Variants in FOXN3 observed in about 807,000 individuals in gnomAD.
The protein encoded by FOXN3 is forkhead box protein N3.
FOXN3 carries 7 observed loss-of-function variants against 38.4 expected under a neutral mutation model. That is an observed-to-expected ratio of 0.18 (90% CI 0.10 to 0.34). FOXN3 has a LOEUF of 0.34. FOXN3 is among the 10% of genes least tolerant of loss of function. FOXN3 has a pLI of 1.00. For missense variants in FOXN3, 456 were observed against 613.4 expected (o/e 0.74, Z 2.71); for synonymous variants, 230 against 242.2 (o/e 0.95, Z 0.47).
intron 1 of FOXN3, among the ~76,000 whole-genome samples, chr14:89,413,248 C>T (rs1297696805): frequency 1.3e-5 from 2 of 152,164 alleles, no homozygotes; most frequent in African/African-American, 2.4e-5. Context: ...TCCCACTCTC[C>T]GTAGCGCTAA....
chr14:89,371,969 C>T (rs532928359), intron 2 of FOXN3, among the ~76,000 whole-genome samples: 6 of 152,224 alleles, frequency 3.9e-5, no homozygotes, highest in Non-Finnish European at 7.4e-5. Flanking sequence ...TGGGGGAGTG[C>T]ACCCCCGGCT....
chr14:89,229,927 C>T (rs1352579908), intron 4 of FOXN3, among the ~76,000 whole-genome samples: 1 of 152,194 alleles, frequency 6.6e-6, no homozygotes, highest in Non-Finnish European at 1.5e-5. Context: ...GGCTCCATGG[C>T]CCAGAATCCA....
chr14:89,477,154 A>C (rs1277474273), intron 1 of FOXN3, among the ~76,000 whole-genome samples: 1 of 152,138 alleles, frequency 6.6e-6, no homozygotes, highest in Non-Finnish European at 1.5e-5. Flanking sequence ...CTACTTGTGC[A>C]TATCTGTGTA....
At chr14:89,602,033 G>A (rs1374726148) in intron 1 of FOXN3, among the ~76,000 whole-genome samples, 2 of 152,118 alleles carry the variant, frequency 1.3e-5, no homozygotes, top group African/African-American at 4.8e-5. Flanking sequence ...ATCCCCTTCA[G>A]GGATTTAGCT....
At chr14:89,437,064 T>C (rs1019345852) in intron 1 of FOXN3, among the ~76,000 whole-genome samples, 3 of 151,912 alleles carry the variant, frequency 2.0e-5, no homozygotes, top group Non-Finnish European at 4.4e-5. Context: ...GGAGAATCAA[T>C]TGAACATGGG....
chr14:89,352,446 A>C (rs758327799), intron 2 of FOXN3, among the ~76,000 whole-genome samples: 1 of 152,184 alleles, frequency 6.6e-6, no homozygotes, highest in Admixed American at 6.5e-5. Flanking sequence ...TTGGGGGGAA[A>C]GACAGGAGAC....
intron 4 of FOXN3, among the ~76,000 whole-genome samples, chr14:89,249,384 A>C (rs1272435295): frequency 2.0e-5 from 3 of 152,200 alleles, no homozygotes; most frequent in Non-Finnish European, 4.4e-5. Flanking sequence ...AGTAACTCTT[A>C]GAGCAGCCAC....
intron 1 of FOXN3, among the ~76,000 whole-genome samples, chr14:89,442,647 TC>T (rs147300587): frequency 0.013 from 2,000 of 152,230 alleles, 25 homozygotes; most frequent in Non-Finnish European, 0.022. Flanking sequence ...CCAACATGTC[TC>T]CCTTGTGACC....
chr14:89,304,218 C>G (rs193266674), intron 3 of FOXN3, among the ~76,000 whole-genome samples: 5 of 152,220 alleles, frequency 3.3e-5, no homozygotes, highest in African/African-American at 1.2e-4. Flanking sequence ...TAGTTCAGCT[C>G]GTAGTAAAAA....
chr14:89,617,010 G>GTTTTGTTTTTGT (rs145853696), intron 1 of FOXN3, among the ~76,000 whole-genome samples: 1 of 152,038 alleles, frequency 6.6e-6, no homozygotes, highest in African/African-American at 2.4e-5. Flanking sequence ...TGACATGCAG[G>GTTTTGTTTTTGT]TTTTGTTTTT....
At chr14:89,538,565 C>G (rs966974037) in intron 1 of FOXN3, among the ~76,000 whole-genome samples, 1 of 152,128 alleles carries the variant, frequency 6.6e-6, no homozygotes, top group East Asian at 1.9e-4. Context: ...GTTGCCCAGG[C>G]TGGAATGCAA....
At position 89,360,750 on chromosome 14, in the gene FOXN3, ACCACCACCTCCACCACTACCACCT is replaced by A. The variant is rs1566966392; in HGVS notation, c.544-9966_544-9943del. ...CACCACCACCTCCAGCACCACCTCC[ACCACCACCTCCACCACTACCACCT>A]CCACCACCACCTCCACCACCACCAC... On this transcript the variant is annotated intron_variant, in intron 2 of 5. Coordinates refer to ENST00000557258, the MANE Select transcript of FOXN3 (RefSeq NM_005197.4). Among the ~76,000 whole-genome samples the A allele has an allele frequency of 7.6e-3, 910 of 119,782 alleles. 21 individuals are homozygous for A. The highest frequency in any genetic ancestry group is 0.017 in the East Asian group (60 of 3,550). 78.6% of individuals were successfully genotyped at this position (119,782 alleles called of 152,430 possible).
At chr14:89,530,998 TAATATA>T (rs1323073042) in intron 1 of FOXN3, among the ~76,000 whole-genome samples, 2 of 147,484 alleles carry the variant, frequency 1.4e-5, no homozygotes, top group Non-Finnish European at 3.0e-5. Context: ...TACACATATA[TAATATA>T]TATACATATA....
chr14:89,330,540 G>A (rs1888218157), intron 3 of FOXN3, among the ~76,000 whole-genome samples: 1 of 152,216 alleles, frequency 6.6e-6, no homozygotes, highest in Non-Finnish European at 1.5e-5. Context: ...CAGGGAGCCT[G>A]GAGGTCTTGC....
intron 3 of FOXN3, among the ~76,000 whole-genome samples, chr14:89,338,687 G>C (rs925765285): frequency 2.0e-5 from 3 of 151,952 alleles, no homozygotes; most frequent in African/African-American, 7.2e-5. Flanking sequence ...CCAGCTACTC[G>C]GAGGCTGAGG....
At chr14:89,395,097 C>G (rs1478084896) in intron 2 of FOXN3, among the ~76,000 whole-genome samples, 2 of 152,200 alleles carry the variant, frequency 1.3e-5, no homozygotes, top group Admixed American at 6.5e-5. Flanking sequence ...CATCTAGCTC[C>G]TTTGCTTTGG....
chr14:89,269,748 T>C (rs1170185298), intron 4 of FOXN3, among the ~76,000 whole-genome samples: 7 of 152,076 alleles, frequency 4.6e-5, no homozygotes, highest in Non-Finnish European at 7.4e-5. Flanking sequence ...ATCACGCTAA[T>C]GCTGCCATTT....
At chr14:89,333,537 A>G (rs1211415058) in intron 3 of FOXN3, among the ~76,000 whole-genome samples, 1 of 151,758 alleles carries the variant, frequency 6.6e-6, no homozygotes, top group East Asian at 1.9e-4. Context: ...GCACTTGCAG[A>G]TCACCTGAGG....
chr14:89,225,599 G>A (rs779634407), intron 4 of FOXN3, among the ~76,000 whole-genome samples: 1 of 151,836 alleles, frequency 6.6e-6, no homozygotes, highest in South Asian at 2.1e-4. Flanking sequence ...GCAAGACTCC[G>A]TCTCAAAAAA....
Sources: gnomAD v4.1 joint callset for allele counts (sites outside exome capture counted in the v4.1 genomes callset) on GRCh38, gnomAD v4.1.1 for gene constraint, MANE v1.5 for transcripts, NCBI Gene and HGNC (gene_info 2026-07-23, HGNC 2026-07-21) for gene names.